The following ARFGAP3 variants were observed in gnomAD, a reference collection of about 807,000 sequenced individuals.
ARFGAP3 encodes the protein ADP-ribosylation factor GTPase-activating protein 3.
Under a neutral mutation model 75.0 loss-of-function variants are expected in ARFGAP3, and 72 were observed. The observed-to-expected ratio is 0.96, with a 90% CI of 0.79 to 1.17. ARFGAP3 has a LOEUF of 1.17. ARFGAP3 is among the 50% of genes most tolerant of loss of function. The probability of loss-of-function intolerance (pLI) is 0.00; values close to 1 mark genes in which losing one functional copy is unlikely to be tolerated. For synonymous variants in ARFGAP3, 221 were observed against 217.9 expected, an observed-to-expected ratio of 1.01 and a Z score of -0.13; for missense variants, 620 against 626.6, an observed-to-expected ratio of 0.99 and a Z score of 0.11.
At chr22:42,801,361 G>C (rs1158859726) in intron 14 of ARFGAP3, among the ~76,000 whole-genome samples, 1 of 152,186 alleles carries the variant, frequency 6.6e-6, no homozygotes, top group Admixed American at 6.5e-5. Context: ...AAATGCCCTG[G>C]ATGGGTCAGG....
intron 15 of ARFGAP3, 150 bp from the exon 16 acceptor site, chr22:42,797,755 G>A: frequency 6.4e-7 from 1 of 1,551,852 alleles, no homozygotes; most frequent in Non-Finnish European, 8.7e-7. Flanking sequence ...TGCTCATCTG[G>A]AAGCAGCCAT....
At chr22:42,838,293 T>A (rs1453848542) in intron 3 of ARFGAP3, among the ~76,000 whole-genome samples, 47 of 148,790 alleles carry the variant, frequency 3.2e-4, no homozygotes, top group African/African-American at 1.1e-3. Context: ...TATATATATT[T>A]TTTTTTTCTT....
chr22:42,849,427 A>G (rs1927168719), intron 1 of ARFGAP3, among the ~76,000 whole-genome samples: 1 of 151,888 alleles, frequency 6.6e-6, no homozygotes, highest in Non-Finnish European at 1.5e-5. Context: ...GGGCACTGAG[A>G]GCTCTTACAG....
chr22:42,812,418 C>A (rs1423795265), intron 11 of ARFGAP3, among the ~76,000 whole-genome samples: 2 of 152,188 alleles, frequency 1.3e-5, no homozygotes, highest in East Asian at 3.9e-4. Flanking sequence ...TAACAGACAT[C>A]ATCCAGGTTT....
At chr22:42,825,352 G>C (rs572079542) in intron 7 of ARFGAP3, among the ~76,000 whole-genome samples, 117 of 152,282 alleles carry the variant, frequency 7.7e-4, no homozygotes, top group African/African-American at 2.8e-3. Flanking sequence ...CTTATATATA[G>C]ATTTTATCAT....
chr22:42,806,966 G>A lies in ARFGAP3; in HGVS notation c.1411+107C>T, dbSNP rs1925150713. The A allele has an allele frequency of 1.2e-5, 14 of 1,168,800 alleles. No individual in the cohort carries two copies. The East Asian group carries it at 3.2e-4, about 27-fold the overall frequency. 72.4% of individuals were successfully genotyped at this position (1,168,800 alleles called of 1,614,324 possible). ...GACTTATAGCAGAGATCAGAGCATC[G>A]AATAATGGTTGCTAAAATATCTTGG... On this transcript the variant is annotated intron_variant, in intron 14 of 15. Transcript: ENST00000263245.
chr22:42,831,413 C>T, intron 6 of ARFGAP3, 136 bp downstream of exon 6: 1 of 746,810 alleles, frequency 1.3e-6, no homozygotes, highest in Non-Finnish European at 2.1e-6. Context: ...CTCAGGCGAT[C>T]CCCCCGCCTC....
chr22:42,839,908 TTTTAA>T (rs1016029184), intron 3 of ARFGAP3, among the ~76,000 whole-genome samples: 11 of 152,160 alleles, frequency 7.2e-5, no homozygotes, highest in African/African-American at 1.2e-4. Flanking sequence ...ATATTGGTTA[TTTTAA>T]TTTATTATTT....
Position 42,831,707 on chromosome 22 carries a change from G to A in ARFGAP3, c.478-71C>T, listed in dbSNP as rs1330573967. On this transcript the variant is annotated intron_variant, in intron 5 of 15. Transcript: ENST00000263245. ...AGCCATAAAAAACACATCAAAGCAC[G>A]GGAAAAACCTAACAATTTAAACAGC... 25 of 1,598,818 alleles carry A rather than the reference G, an allele frequency of 1.6e-5. No homozygotes were observed. The East Asian group carries it at 2.0e-4, about 13-fold the overall frequency.
chr22:42,807,994 C>T (rs1925203582), intron 13 of ARFGAP3, among the ~76,000 whole-genome samples: 1 of 151,844 alleles, frequency 6.6e-6, no homozygotes, highest in South Asian at 2.1e-4. Flanking sequence ...ATCCACCTGC[C>T]TCAGCCTCCC....
intron 6 of ARFGAP3, among the ~76,000 whole-genome samples, chr22:42,831,077 A>G (rs1373293672): frequency 6.6e-6 from 1 of 151,852 alleles, no homozygotes; most frequent in African/African-American, 2.4e-5. Context: ...AGGCGGGTGG[A>G]TCACCTGAGG....
intron 1 of ARFGAP3, among the ~76,000 whole-genome samples, chr22:42,849,912 C>T (rs762988277): frequency 4.6e-5 from 7 of 152,080 alleles, no homozygotes; most frequent in South Asian, 4.1e-4. Context: ...ACATGGTAAA[C>T]GCACAATAAG....
At chr22:42,824,894 C>T (rs954730909) in intron 7 of ARFGAP3, among the ~76,000 whole-genome samples, 7 of 152,180 alleles carry the variant, frequency 4.6e-5, no homozygotes, top group Admixed American at 2.0e-4. Context: ...TCTTTATGTT[C>T]GTATGAACCC....
At chr22:42,809,150 A>G (rs1488047254) in intron 12 of ARFGAP3, among the ~76,000 whole-genome samples, 1 of 152,222 alleles carries the variant, frequency 6.6e-6, no homozygotes, top group Non-Finnish European at 1.5e-5. Context: ...TTTCAGATCA[A>G]CTGGGTAAAC....
chr22:42,825,823 C>T (rs1372141541), intron 7 of ARFGAP3, among the ~76,000 whole-genome samples: 1 of 151,998 alleles, frequency 6.6e-6, no homozygotes, highest in African/African-American at 2.4e-5. Context: ...TATATATTGT[C>T]TTTAGAATTA....
chr22:42,840,801 C>G, intron 3 of ARFGAP3, 143 bp downstream of exon 3: 1 of 811,628 alleles, frequency 1.2e-6, no homozygotes, highest in Non-Finnish European at 1.9e-6. Flanking sequence ...CTCCAGTGAT[C>G]CTCCCAAACG....
intron 8 of ARFGAP3, among the ~76,000 whole-genome samples, chr22:42,823,260 C>T (rs1925891504): frequency 1.3e-5 from 2 of 152,008 alleles, no homozygotes. Context: ...ATGGCAAGGC[C>T]AGGATTCAAA....
intron 9 of ARFGAP3, among the ~76,000 whole-genome samples, chr22:42,819,511 G>A (rs771610251): frequency 4.6e-5 from 7 of 152,158 alleles, no homozygotes; most frequent in Non-Finnish European, 5.9e-5. Context: ...TCAGAACACC[G>A]CGTTTCTCAG....
At chr22:42,849,982 C>T (rs1927202456) in intron 1 of ARFGAP3, among the ~76,000 whole-genome samples, 1 of 152,030 alleles carries the variant, frequency 6.6e-6, no homozygotes, top group African/African-American at 2.4e-5. Flanking sequence ...ATAGGCTTAC[C>T]CATGGTAAGC....
Sources: allele counts gnomAD v4.1 joint callset (sites outside exome capture counted in the v4.1 genomes callset), GRCh38; gene constraint gnomAD v4.1.1; transcripts MANE v1.5; gene names NCBI Gene and HGNC (gene_info 2026-07-23, HGNC 2026-07-21).